Variants in FAT2 observed in about 807,000 individuals in gnomAD.
FAT2 encodes the protein protocadherin Fat 2.
A neutral mutation model predicts 295.3 loss-of-function variants in FAT2; 150 were observed. That is an observed-to-expected ratio of 0.51 (90% CI 0.44 to 0.58). The LOEUF is 0.58. Ranked by LOEUF, FAT2 falls within the 20% of genes least tolerant of loss-of-function variation. FAT2 has a pLI of 0.00. For missense variants in FAT2, 4,868 were observed against 5,442.7 expected (o/e 0.89, Z 3.32); for synonymous variants, 2,026 against 2,150.3 (o/e 0.94, Z 1.60).
At chr5:151,562,572 G>C (rs1055105560) in intron 3 of FAT2, among the ~76,000 whole-genome samples, 3 of 152,150 alleles carry the variant, frequency 2.0e-5, no homozygotes, top group Non-Finnish European at 4.4e-5. Flanking sequence ...GCAGCTGTTG[G>C]CTCCGGGCCA....
chr5:151,542,824 A>C lies in FAT2; in HGVS notation c.8303T>G (p.Met2768Arg), dbSNP rs761312164. The change falls in exon 10 of 24, where the codon ATG becomes AGG. Residue 2768 changes from methionine to arginine, a missense_variant. This residue lies in a region of FAT2 where 3,297 missense variants were observed against 3,669.4 expected (regional missense o/e 0.90). Coordinates refer to ENST00000261800, the MANE Select transcript of FAT2 (RefSeq NM_001447.3). ...ATCAGTGTTCTGAAGGCAATGTGCCATCACATCAATCTGGTACAATTTGGT... is the reference window on the plus strand; with the variant it reads ...ATCAGTGTTCTGAAGGCAATGTGCCCTCACATCAATCTGGTACAATTTGGT... ...ESTKLYQIDV[M>R]AHCLQNTDVV... The C allele has an allele frequency of 6.2e-7, 1 of 1,614,228 alleles. No homozygotes were observed. The highest frequency in any genetic ancestry group is 2.2e-5 in the East Asian group (1 of 44,876).
chr5:151,514,039 T>G (rs192832625), intron 20 of FAT2, among the ~76,000 whole-genome samples: 3 of 152,320 alleles, frequency 2.0e-5, no homozygotes, highest in Admixed American at 6.5e-5. Context: ...TTCTGGTCAC[T>G]TTGGGCTAGG....
rs1483594554 is a variant in FAT2, at chr5:151,512,398, A to G, written c.11672T>C (p.Leu3891Pro). 1 of 1,614,228 alleles carries G rather than the reference A, an allele frequency of 6.2e-7. No homozygotes were observed. Among genetic ancestry groups the G allele is most frequent in the Non-Finnish European group, 8.5e-7 (1 of 1,180,030 alleles). The change falls in exon 21 of 24, where the codon CTC becomes CCC. Residue 3891 changes from leucine to proline, a missense_variant. Leu to Pro is a moderately conservative substitution (Grantham distance 98, BLOSUM62 -3). Transcript: ENST00000261800. This position sits in a 1 kb window ranked among gnomAD's most constrained non-coding sequence, Gnocchi z 4.1. ...CAACAGAATGAGGCCGCCCAGCAAG[A>G]GGTGCCTTTCGGGCCTCAGACCACG... is the stretch of plus-strand genomic sequence containing the variant. ...NCRGLRPERH[L>P]LLGGLILLHS... is the part of the protein sequence containing the mutation.
intron 20 of FAT2, among the ~76,000 whole-genome samples, chr5:151,517,118 A>G (rs1427458057): frequency 6.6e-6 from 1 of 152,168 alleles, no homozygotes; most frequent in Non-Finnish European, 1.5e-5. Flanking sequence ...AAAAAAAAAA[A>G]AAAGAAAAAA....
chr5:151,580,915 C>T (rs769098429), intron 1 of FAT2, among the ~76,000 whole-genome samples: 9 of 152,220 alleles, frequency 5.9e-5, no homozygotes, highest in Non-Finnish European at 1.3e-4. Flanking sequence ...TTCCAAGGAT[C>T]CAGCAGGCCC....
At chr5:151,565,229 A>G (rs1468301519) in intron 2 of FAT2, among the ~76,000 whole-genome samples, 2 of 152,188 alleles carry the variant, frequency 1.3e-5, no homozygotes, top group African/African-American at 4.8e-5. Flanking sequence ...ACATGAAAAA[A>G]GTAAATTTTA....
At position 151,531,808 on chromosome 5, in the gene FAT2, G is replaced by C. The variant is rs769750949; in HGVS notation, c.9590C>G (p.Pro3197Arg). 6.2e-7 allele frequency: 1 copy of C among 1,613,540 alleles called. No individual in the cohort carries two copies. The highest frequency in any genetic ancestry group is 8.5e-7 in the Non-Finnish European group (1 of 1,180,008). The change falls in exon 14 of 24, where the codon CCG (proline) becomes CGG (arginine). Residue 3197 changes from proline to arginine, a missense_variant. Physicochemically the swap from Pro to Arg is moderately radical, Grantham distance 103. Around this residue, in one of 5 missense-constraint regions of FAT2, gnomAD observed 1,046 missense variants for 1,210.1 expected, o/e 0.86. Coordinates refer to ENST00000261800, the MANE Select transcript of FAT2 (RefSeq NM_001447.3). This position sits in a 1 kb window ranked among gnomAD's most constrained non-coding sequence, Gnocchi z 5.7. Reference sequence around the variant, plus strand: ...TGTGACGGTGCCCAGCGTGGACAGCGGTATTGGGGTGCCCAGGTCAGAGGC... The same window carrying C: ...TGTGACGGTGCCCAGCGTGGACAGCCGTATTGGGGTGCCCAGGTCAGAGGC... ...VRASDLGTPIPLSTLGTVTVS... is the reference protein window; with the variant it reads ...VRASDLGTPIRLSTLGTVTVS...
Position 151,574,372 on chromosome 5 carries a change from T to C in FAT2, c.-20-5421A>G, listed in dbSNP as rs75911127. On this transcript the variant is annotated intron_variant, in intron 1 of 23. Transcript: ENST00000261800. ...TGCCCCAGGTGTTCAGTGCTAAGAC[T>C]GGCTCTTGTGGCTCTCAAGAAAGAA... is the stretch of plus-strand genomic sequence containing the variant. Among the ~76,000 whole-genome samples, 252 of 152,340 alleles carry C rather than the reference T, an allele frequency of 1.7e-3. 2 individuals carry two copies. In the East Asian group the frequency reaches 0.04, roughly 24 times the overall value.
intron 1 of FAT2, among the ~76,000 whole-genome samples, chr5:151,584,467 TG>T (rs953204492): frequency 6.6e-6 from 1 of 152,166 alleles, no homozygotes; most frequent in African/African-American, 2.4e-5. Flanking sequence ...GGCCAGGAGA[TG>T]GGGGCTCAAA....
chr5:151,560,206 C>A (rs1370619091), intron 3 of FAT2, among the ~76,000 whole-genome samples: 1 of 152,156 alleles, frequency 6.6e-6, no homozygotes, highest in East Asian at 1.9e-4. Context: ...AGAACCAACC[C>A]TTTTGGAGCT....
rs1477119112 is a variant in FAT2, at chr5:151,542,799, A to T, written c.8328T>A (p.Asp2776Glu). The T allele has an allele frequency of 6.2e-7, 1 of 1,614,188 alleles. No individual in the cohort carries two copies. The highest frequency in any genetic ancestry group is 2.2e-5 in the East Asian group (1 of 44,872). The change falls in exon 10 of 24, where the codon GAT becomes GAA. Residue 2776 changes from aspartate (D) to glutamate (E), a missense_variant. Physicochemically the swap from Asp to Glu is conservative, Grantham distance 45. Coordinates refer to ENST00000261800, the MANE Select transcript of FAT2 (RefSeq NM_001447.3). Reference protein sequence around the residue: ...DVMAHCLQNTDVVSLVSVNIQ... With the variant: ...DVMAHCLQNTEVVSLVSVNIQ... ...TGTTGACAGAGACCAAGGACACCAC[A>T]TCAGTGTTCTGAAGGCAATGTGCCA... is the stretch of plus-strand genomic sequence containing the variant.
chr5:151,531,680 G>C lies in FAT2; in HGVS notation c.9718C>G (p.Leu3240Val), dbSNP rs2127591270. ...DAPPGTEVLQLATLTRPGAEK... is the reference protein window; with the variant it reads ...DAPPGTEVLQVATLTRPGAEK... ...GCGCCCGGGCGAGTGAGGGTGGCCAGCTGCAGCACCTCCGTGCCAGGTGGG... is the reference window on the plus strand; with the variant it reads ...GCGCCCGGGCGAGTGAGGGTGGCCACCTGCAGCACCTCCGTGCCAGGTGGG... Residue 3240 changes from leucine (L) to valine (V), a missense_variant, in exon 14 of 24, where the codon CTG becomes GTG. Transcript: ENST00000261800. The surrounding 1 kb of genome is among the most constrained non-coding windows in gnomAD (Gnocchi z 5.7). 6.2e-7 allele frequency: 1 copy of C among 1,613,840 alleles called. No individual in the cohort carries two copies. Among genetic ancestry groups the C allele is most frequent in the Non-Finnish European group, 8.5e-7 (1 of 1,179,908 alleles).
chr5:151,546,373 C>A, intron 9 of FAT2, 36 bp from the exon 10 acceptor site: 1 of 1,520,044 alleles, frequency 6.6e-7, no homozygotes, highest in Non-Finnish European at 9.0e-7. Context: ...GTTTGCCACA[C>A]CCTCGACAGG....
chr5:151,593,686 C>A (rs1307335314), upstream of FAT2, among the ~76,000 whole-genome samples: 2 of 152,110 alleles, frequency 1.3e-5, no homozygotes, highest in Non-Finnish European at 2.9e-5. Context: ...CTGACCAAGC[C>A]TTTGACCTGA....
At chr5:151,552,835 A>T (rs1284572649) in intron 6 of FAT2, among the ~76,000 whole-genome samples, 5 of 152,148 alleles carry the variant, frequency 3.3e-5, no homozygotes, top group South Asian at 2.1e-4. Flanking sequence ...GTCAACTATG[A>T]TTTTCACATT....
intron 19 of FAT2, among the ~76,000 whole-genome samples, chr5:151,518,374 A>AATTATTATTATTATTATTATT (rs1554124017): frequency 6.8e-6 from 1 of 147,392 alleles, no homozygotes; most frequent in Non-Finnish European, 1.5e-5. Context: ...TAATAATAAT[A>AATTATTATTATTATTATTATT]ATTTTTAAAA....
intron 1 of FAT2, among the ~76,000 whole-genome samples, chr5:151,584,813 G>T (rs1378981003): frequency 6.6e-6 from 1 of 152,192 alleles, no homozygotes; most frequent in Non-Finnish European, 1.5e-5. Context: ...TCTGACTTGA[G>T]TCCAAACTCT....
In FAT2 at chr5:151,567,846, G is replaced by T; in HGVS notation, c.1086C>A (p.Phe362Leu). 1 of 1,614,120 alleles carries T rather than the reference G, an allele frequency of 6.2e-7. No individual in the cohort carries two copies. Among genetic ancestry groups the T allele is most frequent in the South Asian group, 1.1e-5 (1 of 91,072 alleles). Residue 362 changes from phenylalanine (F) to leucine (L), a missense_variant, in exon 2 of 24, where the codon TTC becomes TTA. Transcript: ENST00000261800. The stretch of plus-strand genomic sequence containing the variant: ...GCTGCACTCTGTAAACAGCCTTCTC[G>T]AATTTGAGGGAAGACAGTTTGGAAG... ...LPPSKLSSLK[F>L]EKAVYRVQLS... is the part of the protein sequence containing the mutation.
At position 151,543,395 on chromosome 5, in the gene FAT2, CA is replaced by C; in HGVS notation, c.7731del (p.Asp2577GlufsTer48). On this transcript the variant is annotated frameshift_variant, in exon 10 of 24. Coordinates refer to ENST00000261800, the MANE Select transcript of FAT2 (RefSeq NM_001447.3). LOFTEE classifies it high-confidence loss of function. The part of the protein sequence containing the change: ...AFCTVKIILT[D>X]ENDNPPQFKA... ...TTGAACTGTGGGGGGTTGTCATTTT[CA>C]TCTGTGAGGATGATCTTCACCGTGC... The C allele has an allele frequency of 6.2e-7, 1 of 1,613,854 alleles. No individual in the cohort carries two copies. The highest frequency in any genetic ancestry group is 8.5e-7 in the Non-Finnish European group (1 of 1,179,956).
Sources: gnomAD v4.1 joint callset for allele counts (sites outside exome capture counted in the v4.1 genomes callset) on GRCh38, gnomAD v4.1.1 for gene constraint, gnomAD v4.1.1 regional missense constraint, Gnocchi (gnomAD v3.1) non-coding constraint, MANE v1.5 for transcripts, NCBI Gene and HGNC (gene_info 2026-07-23, HGNC 2026-07-21) for gene names.